The following NKAIN3 variants were observed in gnomAD, a reference collection of about 807,000 sequenced individuals.
The protein encoded by NKAIN3 is sodium/potassium transporting ATPase interacting 3.
A neutral mutation model predicts 30.2 loss-of-function variants in NKAIN3; 25 were observed. The ratio of observed to expected loss-of-function variants is 0.83; its 90% CI spans 0.60 to 1.16. The LOEUF is 1.16. NKAIN3 is among the 50% of genes most tolerant of loss of function. The pLI is 0.00. For missense variants in NKAIN3, 225 were observed against 254.1 expected, an observed-to-expected ratio of 0.89 and a Z score of 0.78; for synonymous variants, 91 against 89.6, an observed-to-expected ratio of 1.02 and a Z score of -0.09.
chr8:62,940,661 G>C (rs551818210), intron 5 of NKAIN3, among the ~76,000 whole-genome samples: 69 of 152,166 alleles, frequency 4.5e-4, no homozygotes, highest in African/African-American at 1.5e-3. Context: ...ATCTGCTCCT[G>C]AATAATTGCT....
intron 4 of NKAIN3, among the ~76,000 whole-genome samples, chr8:62,772,806 G>A (rs567879280): frequency 5.3e-5 from 8 of 151,630 alleles, no homozygotes; most frequent in Admixed American, 2.0e-4. Context: ...GACTACAAAC[G>A]CACGCTGCCA....
chr8:62,273,617 C>G (rs560897523), intron 1 of NKAIN3, among the ~76,000 whole-genome samples: 2 of 152,272 alleles, frequency 1.3e-5, no homozygotes, highest in African/African-American at 4.8e-5. Context: ...ATGTCTATGA[C>G]AAGTTCTTGT....
intron 1 of NKAIN3, among the ~76,000 whole-genome samples, chr8:62,353,141 A>G (rs1047373440): frequency 6.6e-6 from 1 of 152,184 alleles, no homozygotes; most frequent in African/African-American, 2.4e-5. Flanking sequence ...AGACTGTGCT[A>G]TAGAGATCTG....
chr8:62,751,968 G>T (rs1313014507), intron 4 of NKAIN3, among the ~76,000 whole-genome samples: 1 of 152,092 alleles, frequency 6.6e-6, no homozygotes, highest in Non-Finnish European at 1.5e-5. Context: ...AAAGCTTCTT[G>T]CAGGATAGAA....
At chr8:62,518,107 T>C (rs750489675) in intron 1 of NKAIN3, among the ~76,000 whole-genome samples, 7 of 152,160 alleles carry the variant, frequency 4.6e-5, no homozygotes, top group Non-Finnish European at 1.0e-4. Context: ...ACATCTGTAA[T>C]CCCAGTGCTT....
intron 1 of NKAIN3, among the ~76,000 whole-genome samples, chr8:62,366,754 T>C (rs1279335862): frequency 6.6e-6 from 1 of 152,114 alleles, no homozygotes; most frequent in Non-Finnish European, 1.5e-5. Context: ...GAGTTTGTTT[T>C]TTTTCTTGTT....
intron 4 of NKAIN3, among the ~76,000 whole-genome samples, chr8:62,824,991 C>A (rs1818974659): frequency 6.6e-6 from 1 of 152,116 alleles, no homozygotes; most frequent in South Asian, 2.1e-4. Flanking sequence ...ATGATCTTGA[C>A]CAAGCATGTC....
At chr8:62,738,876 C>T (rs1237936599) in intron 3 of NKAIN3, among the ~76,000 whole-genome samples, 1 of 151,940 alleles carries the variant, frequency 6.6e-6, no homozygotes, top group African/African-American at 2.4e-5. Context: ...AAATGCCCTC[C>T]AATGATAGAC....
Position 62,983,516 on chromosome 8 carries a change from CAAATT to C in NKAIN3, c.*18110_*18114del, listed in dbSNP as rs1824132396. On this transcript the variant is annotated 3_prime_UTR_variant, in exon 7 of 7. Transcript: ENST00000623646. ...AGCTTGGGGAGTGATAAAAACAAAT[CAAATT>C]CACATTTTAATTTAGGGAGTTTAGG... The C allele has an allele frequency of 1.3e-5, 2 of 152,194 alleles. No homozygotes were observed. The highest frequency in any genetic ancestry group is 4.8e-5 in the African/African-American group (2 of 41,440). The allele number at this position is 152,194 out of a possible 1,614,324, so 9.4% of individuals were successfully genotyped here. A position where few individuals can be genotyped will look rare whatever the true frequency, so the allele number is the denominator to read the frequency against.
At chr8:62,910,459 T>C (rs750180214) in intron 4 of NKAIN3, among the ~76,000 whole-genome samples, 1 of 152,160 alleles carries the variant, frequency 6.6e-6, no homozygotes, top group Non-Finnish European at 1.5e-5. Context: ...AGCTTGCATT[T>C]ATTTTTCAAT....
intron 1 of NKAIN3, among the ~76,000 whole-genome samples, chr8:62,297,963 CACATATATACCATGGA>C (rs1813894938): frequency 6.6e-6 from 1 of 152,004 alleles, no homozygotes; most frequent in African/African-American, 2.4e-5. Flanking sequence ...GAAAATGTGG[CACATATATACCATGGA>C]ATACTATGCA....
intron 3 of NKAIN3, among the ~76,000 whole-genome samples, chr8:62,674,979 C>T (rs899384813): frequency 6.6e-6 from 1 of 152,134 alleles, no homozygotes; most frequent in African/African-American, 2.4e-5. Context: ...GACACACAGG[C>T]GTCCACATGA....
chr8:62,517,697 C>G (rs1247937788), intron 1 of NKAIN3, among the ~76,000 whole-genome samples: 2 of 152,096 alleles, frequency 1.3e-5, no homozygotes, highest in African/African-American at 4.8e-5. Context: ...AATCTGCTCA[C>G]CCATAACACA....
intron 1 of NKAIN3, among the ~76,000 whole-genome samples, chr8:62,392,146 G>GA (rs1817602051): frequency 6.6e-6 from 1 of 151,936 alleles, no homozygotes; most frequent in Admixed American, 6.6e-5. Flanking sequence ...ATAAGACTAT[G>GA]AAAAAAATGT....
At chr8:62,672,162 C>A (rs1190330677) in intron 3 of NKAIN3, among the ~76,000 whole-genome samples, 2 of 152,202 alleles carry the variant, frequency 1.3e-5, no homozygotes, top group Non-Finnish European at 2.9e-5. Flanking sequence ...ATTGTATTTC[C>A]ACTGTAAATT....
At chr8:62,719,914 G>A (rs1433704789) in intron 3 of NKAIN3, among the ~76,000 whole-genome samples, 3 of 151,684 alleles carry the variant, frequency 2.0e-5, no homozygotes, top group African/African-American at 7.3e-5. Flanking sequence ...TCGCTACCAC[G>A]CCTGGCTAAT....
At chr8:62,371,130 G>A (rs1168496584) in intron 1 of NKAIN3, among the ~76,000 whole-genome samples, 1 of 151,790 alleles carries the variant, frequency 6.6e-6, no homozygotes, top group Non-Finnish European at 1.5e-5. Context: ...TGAAAATTAT[G>A]CTCCTGTTTT....
At chr8:62,578,289 G>A (rs1810180559) in intron 1 of NKAIN3, among the ~76,000 whole-genome samples, 1 of 152,014 alleles carries the variant, frequency 6.6e-6, no homozygotes, top group Non-Finnish European at 1.5e-5. Context: ...AAATTGTTGT[G>A]TATATATTGA....
At chr8:62,264,221 A>T (rs1362606606) in intron 1 of NKAIN3, among the ~76,000 whole-genome samples, 1 of 152,166 alleles carries the variant, frequency 6.6e-6, no homozygotes, top group Non-Finnish European at 1.5e-5. Flanking sequence ...CTGTCTCAGA[A>T]TGTTGAAAGG....
Sources: allele counts gnomAD v4.1 joint callset (sites outside exome capture counted in the v4.1 genomes callset), GRCh38; gene constraint gnomAD v4.1.1; transcripts MANE v1.5; gene names NCBI Gene and HGNC (gene_info 2026-07-23, HGNC 2026-07-21).